The following GNAS variants were observed in gnomAD, a reference collection of about 807,000 sequenced individuals.
GNAS encodes GNAS complex locus, also known as protein ALEX.
A neutral mutation model predicts 54.5 loss-of-function variants in GNAS; 8 were observed. The observed-to-expected ratio is 0.15, with a 90% CI of 0.09 to 0.26. The LOEUF (loss-of-function observed/expected upper bound fraction) is 0.26. GNAS is among the 10% of genes least tolerant of loss of function. The pLI is 1.00. For synonymous variants in GNAS, 204 were observed against 191.4 expected (o/e 1.07, Z -0.54); for missense variants, 170 against 529.8 (o/e 0.32, Z 6.67).
At chr20:58,846,424 TC>T (rs932138829) in intron 1 of GNAS, among the ~76,000 whole-genome samples, 3 of 152,166 alleles carry the variant, frequency 2.0e-5, no homozygotes, top group Non-Finnish European at 2.9e-5. Context: ...AACATCACTG[TC>T]CCCCTGAGAG....
rs147988039 is a variant in GNAS, at chr20:58,907,311, A to T, written c.530+1831A>T. Among the ~76,000 whole-genome samples, 143 of 152,348 alleles carry T rather than the reference A, an allele frequency of 9.4e-4. 1 individual carries two copies. Among genetic ancestry groups the T allele is most frequent in the African/African-American group, 3.2e-3 (135 of 41,578 alleles). ...ATTTTTTCAAGGAACAGAAAAAAAC[A>T]GTCCATCTTGGCTGGTCCCTATGGC... is the stretch of plus-strand genomic sequence containing the variant. On this transcript the variant is annotated intron_variant, in intron 6 of 12. Coordinates refer to ENST00000371085, the MANE Select transcript of GNAS (RefSeq NM_000516.7).
chr20:58,899,950 A>C (rs989075392), intron 3 of GNAS: 3 of 717,906 alleles, frequency 4.2e-6, no homozygotes, highest in Non-Finnish European at 7.8e-6. Flanking sequence ...TTCTTTTAGA[A>C]TATAATATCC....
In GNAS at chr20:58,909,068, CT is replaced by C; in HGVS notation, c.531-92del. The C allele has an allele frequency of 9.5e-7, 1 of 1,049,452 alleles. No homozygotes were observed. The highest frequency in any genetic ancestry group is 1.5e-6 in the Non-Finnish European group (1 of 665,612). The allele number at this position is 1,049,452 out of a possible 1,614,324, so 65.0% of individuals were successfully genotyped here. ...GTGCTGCATAACTGTGGGACGGTCA[CT>C]TCCGTTGAGCCTGACCTTGTAGAGA... On this transcript the variant is annotated intron_variant, in intron 6 of 12. Transcript: ENST00000371085. The surrounding 1 kb of genome is among the most constrained non-coding windows in gnomAD (Gnocchi z 7.3).
At chr20:58,893,066 C>CTTTTTTTTTTTTTTTTTTTTTTTTT (rs869179421) in intron 1 of GNAS, among the ~76,000 whole-genome samples, 2 of 103,088 alleles carry the variant, frequency 1.9e-5, no homozygotes, top group Non-Finnish European at 3.7e-5. Context: ...GGCGTGGTTT[C>CTTTTTTTTTTTTTTTTTTTTTTTTT]TTTTTTTTTT....
rs1406250619 is a variant in GNAS, at chr20:58,891,544, C to T, written c.-183C>T. ...TCGGTCCGACCGACACCCTCCCCTT[C>T]CCGCCCGTCCGCGCGCCCCGCGGCC... On this transcript the variant is annotated 5_prime_UTR_variant, in exon 1 of 13. Coordinates refer to ENST00000371085, the MANE Select transcript of GNAS (RefSeq NM_000516.7). 4.1e-6 allele frequency: 4 copies of T among 975,990 alleles called. No homozygotes were observed. Among genetic ancestry groups the T allele is most frequent in the African/African-American group, 1.8e-5 (1 of 56,256 alleles). 60.5% of individuals were successfully genotyped at this position (975,990 alleles called of 1,614,324 possible). A position where few individuals can be genotyped will look rare whatever the true frequency, so the allele number is the denominator to read the frequency against.
At chr20:58,875,473 G>C (rs1447465773) in intron 1 of GNAS, among the ~76,000 whole-genome samples, 1 of 152,300 alleles carries the variant, frequency 6.6e-6, no homozygotes, top group East Asian at 1.9e-4. Context: ...GCATTGGGGG[G>C]AACAGGGGAG....
chr20:58,900,910 C>T (rs1284758947), intron 3 of GNAS, among the ~76,000 whole-genome samples: 1 of 152,188 alleles, frequency 6.6e-6, no homozygotes, highest in Non-Finnish European at 1.5e-5. Flanking sequence ...TACTCCCACA[C>T]CTATTCACAT....
chr20:58,853,577 C>G lies in GNAS; in HGVS notation c.43+12691C>G. ...CACCTCCTGAGGAAGCAATGCCCTT[C>G]GAGGCTGAACAGCCCAGCTTGGGAG... On this transcript the variant is annotated intron_variant, in intron 1 of 12. Coordinates refer to the GNAS transcript ENST00000306090. This position sits in a 1 kb window ranked among gnomAD's most constrained non-coding sequence, Gnocchi z 4.4. 2.5e-6 allele frequency: 4 copies of G among 1,613,268 alleles called. No homozygotes were observed. The highest frequency in any genetic ancestry group is 3.4e-6 in the Non-Finnish European group (4 of 1,179,856).
intron 3 of GNAS, among the ~76,000 whole-genome samples, chr20:58,902,726 T>C (rs960759517): frequency 2.5e-5 from 1 of 39,974 alleles, no homozygotes; most frequent in Non-Finnish European, 5.1e-5. Flanking sequence ...CACATACGAC[T>C]TTTTTTTTTT....
chr20:58,879,612 T>C (rs987128900), intron 1 of GNAS, among the ~76,000 whole-genome samples: 1 of 152,174 alleles, frequency 6.6e-6, no homozygotes, highest in African/African-American at 2.4e-5. Context: ...ACAGCCCAAA[T>C]GCACTCAGAG....
At chr20:58,893,633 G>A (rs564318818) in intron 1 of GNAS, among the ~76,000 whole-genome samples, 7 of 152,314 alleles carry the variant, frequency 4.6e-5, no homozygotes, top group Non-Finnish European at 1.0e-4. Context: ...AGTGTCTTTG[G>A]TGTTTATGCA....
At chr20:58,900,572 C>T (rs1320801674) in intron 3 of GNAS, among the ~76,000 whole-genome samples, 2 of 152,070 alleles carry the variant, frequency 1.3e-5, no homozygotes, top group African/African-American at 4.8e-5. Flanking sequence ...ATCCCATCTG[C>T]TGTATACATA....
chr20:58,857,205 T>C lies in GNAS; in HGVS notation c.43+16319T>C, dbSNP rs374780391. 3.2e-4 allele frequency: 48 copies of C among 152,278 alleles called. No homozygotes were observed. Among genetic ancestry groups the C allele is most frequent in the African/African-American group, 9.6e-4 (40 of 41,472 alleles). The allele number at this position is 152,278 out of a possible 1,614,324, so 9.4% of individuals were successfully genotyped here. A position where few individuals can be genotyped will look rare whatever the true frequency, so the allele number is the denominator to read the frequency against. On this transcript the variant is annotated intron_variant, in intron 1 of 12. Transcript: ENST00000306090. This position sits in a 1 kb window ranked among gnomAD's most constrained non-coding sequence, Gnocchi z 4.1. ...ATTAATGGCATTATTGGCATATAAC[T>C]GTGCTATTGTGATGTGGCTCTCACA...
In GNAS at chr20:58,853,635, C is replaced by A; in HGVS notation, c.43+12749C>A. 1 of 1,613,454 alleles carries A rather than the reference C, an allele frequency of 6.2e-7. No homozygotes were observed. The highest frequency in any genetic ancestry group is 8.5e-7 in the Non-Finnish European group (1 of 1,179,882). ...GCCTACACTGGAGCAGCCTGGATTC[C>A]CCAGTGGGGTCCATGCAGGCCTTGA... On this transcript the variant is annotated intron_variant, in intron 1 of 12. Transcript: ENST00000306090. The surrounding 1 kb of genome is among the most constrained non-coding windows in gnomAD (Gnocchi z 4.4).
intron 1 of GNAS, chr20:58,854,536 C>T: frequency 6.3e-7 from 1 of 1,575,758 alleles, no homozygotes; most frequent in Admixed American, 1.8e-5. Context: ...GACTCCGGGG[C>T]ATTCGCAGCC....
intron 2 of GNAS, among the ~76,000 whole-genome samples, chr20:58,896,437 G>A (rs1568994881): frequency 6.6e-6 from 1 of 151,992 alleles, no homozygotes; most frequent in Non-Finnish European, 1.5e-5. Flanking sequence ...AGCACAATGT[G>A]GCAATCCGTA....
chr20:58,871,620 A>G (rs910859418), intron 1 of GNAS, among the ~76,000 whole-genome samples: 6 of 148,508 alleles, frequency 4.0e-5, no homozygotes, highest in Admixed American at 2.0e-4. Context: ...GTCGAAAAAA[A>G]AAAAAAAAAC....
At chr20:58,854,622 C>T (rs1275574467) in intron 1 of GNAS, 9 of 1,537,558 alleles carry the variant, frequency 5.9e-6, no homozygotes, top group East Asian at 2.5e-5. Context: ...CCCAGCCGAT[C>T]CCGACTCCGG....
At chr20:58,889,169 C>A (rs1426660283), upstream of GNAS, 8 of 1,214,882 alleles carry the variant, frequency 6.6e-6, no homozygotes, top group South Asian at 4.1e-5. Context: ...TGCTCCCCGG[C>A]GGGGACACTC....
Sources: gnomAD v4.1 joint callset for allele counts (sites outside exome capture counted in the v4.1 genomes callset) on GRCh38, gnomAD v4.1.1 for gene constraint, Gnocchi (gnomAD v3.1) non-coding constraint, MANE v1.5 for transcripts, NCBI Gene and HGNC (gene_info 2026-07-23, HGNC 2026-07-21) for gene names.